The following BRINP3 variants were observed in gnomAD, a reference collection of about 807,000 sequenced individuals.
BRINP3 encodes BMP/retinoic acid inducible neural specific 3.
BRINP3 carries 19 observed loss-of-function variants against 71.0 expected under a neutral mutation model. The observed-to-expected ratio is 0.27, with a 90% CI of 0.19 to 0.39. The LOEUF (loss-of-function observed/expected upper bound fraction) is 0.39. BRINP3 is among the 10% of genes least tolerant of loss of function. The pLI, the probability that BRINP3 is intolerant of heterozygous loss-of-function variation, is 1.00. For missense variants in BRINP3, 959 were observed against 940.8 expected (o/e 1.02, Z -0.25); for synonymous variants, 380 against 337.7 (o/e 1.13, Z -1.37).
intron 2 of BRINP3, among the ~76,000 whole-genome samples, chr1:190,441,001 A>T (rs997334908): frequency 1.3e-5 from 2 of 151,990 alleles, no homozygotes; most frequent in Non-Finnish European, 2.9e-5. Context: ...AAGAAAAAAC[A>T]AATAGTGAAA....
chr1:190,165,953 T>C (rs1024120634), intron 6 of BRINP3, among the ~76,000 whole-genome samples: 5 of 152,184 alleles, frequency 3.3e-5, no homozygotes, highest in Admixed American at 6.5e-5. Flanking sequence ...GCTATAACCC[T>C]TAGTAGAACT....
chr1:190,239,823 A>G (rs1658883916), intron 4 of BRINP3, among the ~76,000 whole-genome samples: 1 of 152,026 alleles, frequency 6.6e-6, no homozygotes, highest in African/African-American at 2.4e-5. Flanking sequence ...TTTCATACAT[A>G]TATCCTTTCA....
chr1:190,405,259 G>GGCTAAGAC (rs1672189481), intron 2 of BRINP3, among the ~76,000 whole-genome samples: 1 of 151,816 alleles, frequency 6.6e-6, no homozygotes, highest in African/African-American at 2.4e-5. Flanking sequence ...AGACCATCCT[G>GGCTAAGAC]GCTAAGACGG....
chr1:190,475,597 C>T (rs1364082833), intron 1 of BRINP3, among the ~76,000 whole-genome samples: 2 of 152,168 alleles, frequency 1.3e-5, no homozygotes, highest in African/African-American at 4.8e-5. Flanking sequence ...AGGCACCTTG[C>T]TCTCCTCCGT....
At chr1:190,247,732 G>A (rs1659740712) in intron 4 of BRINP3, among the ~76,000 whole-genome samples, 1 of 151,790 alleles carries the variant, frequency 6.6e-6, no homozygotes. Flanking sequence ...CCACATGTGA[G>A]TGAAAGCATG....
chr1:190,127,676 T>C (rs1051992003), intron 7 of BRINP3, among the ~76,000 whole-genome samples: 2 of 151,878 alleles, frequency 1.3e-5, no homozygotes, highest in Non-Finnish European at 2.9e-5. Flanking sequence ...TTGTCACTTC[T>C]GGAAGAAAGA....
At chr1:190,176,841 T>C (rs1652552824) in intron 6 of BRINP3, among the ~76,000 whole-genome samples, 3 of 152,130 alleles carry the variant, frequency 2.0e-5, no homozygotes, top group Admixed American at 1.3e-4. Flanking sequence ...CAGTTAGCTC[T>C]TTTAACTCTG....
rs1227575741 is a variant in BRINP3, at chr1:190,111,348, C to T, written c.1185-12214G>A. 2.0e-5 allele frequency among the ~76,000 whole-genome samples: 3 copies of T among 151,344 alleles called. No homozygotes were observed. The East Asian group carries it at 5.9e-4, about 30-fold the overall frequency. On this transcript the variant is annotated intron_variant, in intron 7 of 7. Coordinates refer to ENST00000367462, the MANE Select transcript of BRINP3 (RefSeq NM_199051.3). ...CATCTTTATATATATTGAAGTGTTA[C>T]GGTATCTGGTTGTGTGAGGGGCAAA...
chr1:190,157,457 G>T (rs747795682), intron 7 of BRINP3, among the ~76,000 whole-genome samples: 2 of 152,114 alleles, frequency 1.3e-5, no homozygotes, highest in Non-Finnish European at 2.9e-5. Flanking sequence ...TCTTCCCTGA[G>T]CTTCAGACAT....
intron 6 of BRINP3, among the ~76,000 whole-genome samples, chr1:190,161,681 A>T (rs760580063): frequency 1.1e-4 from 17 of 152,172 alleles, no homozygotes; most frequent in Non-Finnish European, 2.2e-4. Flanking sequence ...AGAGCTAATA[A>T]ATATCTGAAC....
chr1:190,160,516 ATTAT>A (rs1657256936), intron 7 of BRINP3, 148 bp downstream of exon 7: 6 of 581,526 alleles, frequency 1.0e-5, no homozygotes, highest in African/African-American at 1.9e-5. Flanking sequence ...ACTATAATTT[ATTAT>A]TTGAGACAAT....
chr1:190,354,161 C>T (rs1007684803), intron 2 of BRINP3, among the ~76,000 whole-genome samples: 1 of 151,918 alleles, frequency 6.6e-6, no homozygotes, highest in Non-Finnish European at 1.5e-5. Flanking sequence ...TCATGGCAGG[C>T]TTCCTAAGTT....
chr1:190,476,749 A>T (rs542984321), intron 1 of BRINP3, among the ~76,000 whole-genome samples: 4 of 152,172 alleles, frequency 2.6e-5, no homozygotes, highest in Non-Finnish European at 5.9e-5. Context: ...TGTCCAATTA[A>T]CTGTTCACCA....
chr1:190,452,049 T>C (rs922200742), intron 2 of BRINP3, among the ~76,000 whole-genome samples: 4 of 152,176 alleles, frequency 2.6e-5, no homozygotes, highest in Non-Finnish European at 5.9e-5. Context: ...CTTTAGGAAA[T>C]TACAATCTTT....
chr1:190,119,499 G>A (rs1341301755), intron 7 of BRINP3, among the ~76,000 whole-genome samples: 1 of 151,976 alleles, frequency 6.6e-6, no homozygotes, highest in Admixed American at 6.6e-5. Context: ...GGTCTTGAAA[G>A]TCTGACCTTG....
intron 2 of BRINP3, among the ~76,000 whole-genome samples, chr1:190,354,890 T>G (rs538635264): frequency 6.6e-6 from 1 of 151,966 alleles, no homozygotes; most frequent in African/African-American, 2.4e-5. Context: ...TTTGACAATT[T>G]TTCCCATTTC....
chr1:190,455,645 C>T, intron 1 of BRINP3, among the ~76,000 whole-genome samples: 1 of 151,942 alleles, frequency 6.6e-6, no homozygotes, highest in East Asian at 1.9e-4. Context: ...AACTGCATAT[C>T]TGATTATTTA....
In BRINP3 at chr1:190,160,814, T is replaced by C. The variant is rs752388166; in HGVS notation, c.1038A>G (p.Thr346=). Residue 346 remains threonine, a synonymous_variant, in exon 7 of 8, where the codon ACA becomes ACG. Coordinates refer to ENST00000367462, the MANE Select transcript of BRINP3 (RefSeq NM_199051.3). Reference sequence around the variant, plus strand: ...AACGGCGCTGAAAATTAGAATCCATTGTCCACAAATGCATTATAGTAGATG... The same window carrying C: ...AACGGCGCTGAAAATTAGAATCCATCGTCCACAAATGCATTATAGTAGATG... ...LNTSTIMHLW[T]MDSNFQRRYE... is the part of the protein sequence containing the mutation. 1.9e-6 allele frequency: 3 copies of C among 1,613,498 alleles called. No homozygotes were observed. The highest frequency in any genetic ancestry group is 1.7e-5 in the Admixed American group (1 of 59,926).
At chr1:190,287,522 A>T (rs1663527809) in intron 2 of BRINP3, among the ~76,000 whole-genome samples, 1 of 152,136 alleles carries the variant, frequency 6.6e-6, no homozygotes, top group South Asian at 2.1e-4. Flanking sequence ...AGCAGAATGA[A>T]TCTATTCCAA....
Sources: gnomAD v4.1 joint callset for allele counts (sites outside exome capture counted in the v4.1 genomes callset) on GRCh38, gnomAD v4.1.1 for gene constraint, MANE v1.5 for transcripts, NCBI Gene and HGNC (gene_info 2026-07-23, HGNC 2026-07-21) for gene names.